Variants in CSMD1 observed in about 807,000 individuals in gnomAD.
CSMD1 encodes CUB and sushi domain-containing protein 1.
Under a neutral mutation model 417.5 loss-of-function variants are expected in CSMD1, and 213 were observed. The ratio of observed to expected loss-of-function variants is 0.51; its 90% CI spans 0.46 to 0.57. The LOEUF is 0.57. Ranked by LOEUF, CSMD1 falls within the 20% of genes least tolerant of loss-of-function variation. The pLI is 0.00. For missense variants in CSMD1, 6,923 were observed against 4,529.7 expected (o/e 1.53, Z -15.17); for synonymous variants, 2,862 against 1,736.8 (o/e 1.65, Z -16.11).
intron 5 of CSMD1, among the ~76,000 whole-genome samples, chr8:3,942,095 A>G (rs1158781612): frequency 6.6e-6 from 1 of 151,900 alleles, no homozygotes; most frequent in Non-Finnish European, 1.5e-5. Context: ...TCCTTGTGAG[A>G]ATCTAATGCC....
At chr8:4,888,662 C>T (rs945242131) in intron 1 of CSMD1, among the ~76,000 whole-genome samples, 32 of 152,166 alleles carry the variant, frequency 2.1e-4, no homozygotes, top group Admixed American at 3.3e-4. Context: ...ATATCATTTG[C>T]CAACAAAAGA....
At chr8:3,857,687 C>A (rs566005105) in intron 5 of CSMD1, among the ~76,000 whole-genome samples, 1 of 152,146 alleles carries the variant, frequency 6.6e-6, no homozygotes, top group Non-Finnish European at 1.5e-5. Context: ...TTCTTAGATT[C>A]TTCATAATCT....
intron 3 of CSMD1, among the ~76,000 whole-genome samples, chr8:4,250,532 A>T (rs980340121): frequency 1.3e-5 from 2 of 152,168 alleles, no homozygotes; most frequent in African/African-American, 4.8e-5. Flanking sequence ...TCGCCCATGA[A>T]GTCAACCCTC....
chr8:3,318,945 TACAA>T (rs1433840490), intron 23 of CSMD1, among the ~76,000 whole-genome samples: 2 of 152,096 alleles, frequency 1.3e-5, no homozygotes, highest in Non-Finnish European at 2.9e-5. Context: ...AATAAAAACA[TACAA>T]ACACACACAC....
intron 37 of CSMD1, among the ~76,000 whole-genome samples, chr8:3,169,720 T>C (rs577371791): frequency 4.8e-5 from 6 of 124,816 alleles, no homozygotes; most frequent in African/African-American, 1.1e-4. Flanking sequence ...GCTAGAAATA[T>C]AGCACAAGTT....
At chr8:4,328,561 A>C (rs1799688974) in intron 3 of CSMD1, among the ~76,000 whole-genome samples, 2 of 152,188 alleles carry the variant, frequency 1.3e-5, no homozygotes, top group South Asian at 2.1e-4. Context: ...CTATGTACCC[A>C]CAACAATTTA....
chr8:3,953,521 G>A (rs149866026), intron 5 of CSMD1, among the ~76,000 whole-genome samples: 1 of 152,250 alleles, frequency 6.6e-6, no homozygotes, highest in East Asian at 1.9e-4. Context: ...AAAAGATAAT[G>A]ACATTGCCCT....
intron 12 of CSMD1, among the ~76,000 whole-genome samples, chr8:3,417,801 C>T (rs1210389765): frequency 6.6e-6 from 1 of 151,978 alleles, no homozygotes; most frequent in African/African-American, 2.4e-5. Flanking sequence ...AACAAGATTG[C>T]AGCACATAAA....
At chr8:4,516,651 C>T (rs1369948546) in intron 2 of CSMD1, among the ~76,000 whole-genome samples, 1 of 152,118 alleles carries the variant, frequency 6.6e-6, no homozygotes, top group African/African-American at 2.4e-5. Context: ...GATCCTGCCT[C>T]TCTCAAGTTC....
chr8:3,534,128 CAT>C (rs2117524944), intron 10 of CSMD1, among the ~76,000 whole-genome samples: 1 of 152,312 alleles, frequency 6.6e-6, no homozygotes, highest in Non-Finnish European at 1.5e-5. Flanking sequence ...CGCTCTCACT[CAT>C]ATGCACTGTG....
intron 2 of CSMD1, among the ~76,000 whole-genome samples, chr8:4,420,347 T>C (rs550853522): frequency 6.6e-6 from 1 of 152,086 alleles, no homozygotes; most frequent in African/African-American, 2.4e-5. Flanking sequence ...CGTTTTTGGA[T>C]GGCAATTATC....
At chr8:3,721,932 C>T (rs1300558549) in intron 6 of CSMD1, among the ~76,000 whole-genome samples, 2 of 152,232 alleles carry the variant, frequency 1.3e-5, no homozygotes, top group East Asian at 1.9e-4. Context: ...CATCTACATG[C>T]CACAGGTGCA....
chr8:2,945,901 G>C (rs1457725055), intron 68 of CSMD1, among the ~76,000 whole-genome samples: 1 of 152,172 alleles, frequency 6.6e-6, no homozygotes, highest in African/African-American at 2.4e-5. Flanking sequence ...TGATAAGCTA[G>C]GTCATTCAAT....
chr8:4,788,062 G>A, intron 1 of CSMD1: 14 of 1,595,392 alleles, frequency 8.8e-6, no homozygotes, highest in Non-Finnish European at 1.2e-5. Context: ...AACTTTGAGT[G>A]GGTTGCAGAG....
intron 1 of CSMD1, among the ~76,000 whole-genome samples, chr8:4,907,635 C>A (rs1362342736): frequency 3.3e-5 from 5 of 152,116 alleles, no homozygotes; most frequent in Non-Finnish European, 7.4e-5. Context: ...ACATGGCTCA[C>A]TGCAGCCTCA....
intron 10 of CSMD1, among the ~76,000 whole-genome samples, chr8:3,560,088 C>T (rs987797945): frequency 1.3e-5 from 2 of 152,100 alleles, no homozygotes; most frequent in Non-Finnish European, 2.9e-5. Context: ...CTAGAAAAGA[C>T]ACCCAGAGAT....
At chr8:4,201,508 G>A (rs537325188) in intron 3 of CSMD1, among the ~76,000 whole-genome samples, 50 of 113,496 alleles carry the variant, frequency 4.4e-4, no homozygotes, top group African/African-American at 1.6e-3. Flanking sequence ...ACTGCCGTCC[G>A]GCCTAGGTAA....
chr8:4,194,748 A>C (rs955509609), intron 3 of CSMD1, among the ~76,000 whole-genome samples: 7 of 151,694 alleles, frequency 4.6e-5, no homozygotes, highest in African/African-American at 1.7e-4. Context: ...TTATTTAAAT[A>C]AACATTTTTT....
Position 3,219,149 on chromosome 8 carries a change from G to C in CSMD1, c.4672+106C>G, listed in dbSNP as rs994749429. Reference sequence around the variant, plus strand: ...TCCCAGACAGAGGAGACACATATCAGCATTTATGTATTAAACAGACAAGCA... The same window carrying C: ...TCCCAGACAGAGGAGACACATATCACCATTTATGTATTAAACAGACAAGCA... On this transcript the variant is annotated intron_variant, in intron 29 of 69. Coordinates refer to ENST00000635120, the MANE Select transcript of CSMD1 (RefSeq NM_033225.6). The C allele has an allele frequency of 1.3e-5, 11 of 859,720 alleles. No homozygotes were observed. In the African/African-American group the frequency reaches 1.5e-4, roughly 12 times the overall value. 53.3% of individuals were successfully genotyped at this position (859,720 alleles called of 1,614,324 possible).
Sources: gnomAD v4.1 joint callset for allele counts (sites outside exome capture counted in the v4.1 genomes callset) on GRCh38, gnomAD v4.1.1 for gene constraint, MANE v1.5 for transcripts, NCBI Gene and HGNC (gene_info 2026-07-23, HGNC 2026-07-21) for gene names.